Variants in NLRP7 observed in about 807,000 individuals in gnomAD.
NLRP7 encodes NLR family pyrin domain containing 7.
A neutral mutation model predicts 85.5 loss-of-function variants in NLRP7; 72 were observed. The observed-to-expected ratio is 0.84, with a 90% CI of 0.70 to 1.02. NLRP7 has a LOEUF of 1.02. Among genes scored for constraint, NLRP7 ranks in the 50% least tolerant of loss-of-function variants. The probability of loss-of-function intolerance (pLI) is 0.00; values close to 1 mark genes in which losing one functional copy is unlikely to be tolerated. For missense variants in NLRP7, 1,243 were observed against 1,219.5 expected (o/e 1.02, Z -0.29); for synonymous variants, 550 against 505.2 (o/e 1.09, Z -1.19).
Position 54,959,730 on chromosome 19 carries a change from GA to G in NLRP7, c.-77+6309del, listed in dbSNP as rs372022282. On this transcript the variant is annotated intron_variant, in intron 1 of 2. Transcript: ENST00000587103. ...ATAAAAAAATTAAAATTAGTGCTTG[GA>G]AAAAAAAATTAGTGCTTGACCAGGA... is the stretch of plus-strand genomic sequence containing the variant. Among the ~76,000 whole-genome samples the G allele has an allele frequency of 6.0e-5, 9 of 151,162 alleles. No homozygotes were observed. The East Asian group carries it at 1.6e-3, about 26-fold the overall frequency.
At chr19:54,953,452 T>C (rs909065312) in intron 1 of NLRP7, 1 of 152,036 alleles carries the variant, frequency 6.6e-6, no homozygotes, top group African/African-American at 2.4e-5. Flanking sequence ...TTCTATACAA[T>C]GTCTGTAATC....
At position 54,954,535 on chromosome 19, in the gene NLRP7, A is replaced by AT. The variant is rs1346907211; in HGVS notation, c.-76-7031_-76-7030insA. ...AAGAGCGAGACTCCGTCTCAAAAAA[A>AT]AAAAAAAAAAAAAAAAAGGGCAACC... On this transcript the variant is annotated intron_variant, in intron 1 of 2. Transcript: ENST00000587103. 5.0e-3 allele frequency among the ~76,000 whole-genome samples: 639 copies of AT among 127,934 alleles called. 1 individual carries two copies. The highest frequency in any genetic ancestry group is 0.016 in the African/African-American group (582 of 36,232). 83.9% of individuals were successfully genotyped at this position (127,934 alleles called of 152,430 possible). A position where few individuals can be genotyped will look rare whatever the true frequency, so the allele number is the denominator to read the frequency against.
At chr19:54,964,051 T>G (rs1430998912) in intron 1 of NLRP7, among the ~76,000 whole-genome samples, 1 of 148,918 alleles carries the variant, frequency 6.7e-6, no homozygotes, top group African/African-American at 2.5e-5. Context: ...GACTAATTTT[T>G]TGTATTTTTA....
chr19:54,940,958 C>G, exon 3 of NLRP7: 2 of 1,613,006 alleles, frequency 1.2e-6, no homozygotes, highest in Non-Finnish European at 1.7e-6. Context: ...GAGTCTTCTT[C>G]TGCATCTCCC....
At chr19:54,940,194 A>G (rs779559348) in exon 4 of NLRP7, 7 of 1,614,200 alleles carry the variant, frequency 4.3e-6, no homozygotes, top group Non-Finnish European at 5.9e-6. Flanking sequence ...CAGCTGAGGT[A>G]GAACGCGTAT....
At chr19:54,933,943 G>C (rs2068781043) in intron 7 of NLRP7, among the ~76,000 whole-genome samples, 1 of 152,082 alleles carries the variant, frequency 6.6e-6, no homozygotes, top group African/African-American at 2.4e-5. Flanking sequence ...GCCATCACAG[G>C]ACACAGGTGT....
chr19:54,923,635 G>A lies in NLRP7; in HGVS notation c.*105C>T, dbSNP rs1417421951. 17 of 1,318,956 alleles carry A rather than the reference G, an allele frequency of 1.3e-5. 1 individual carries two copies. The highest frequency in any genetic ancestry group is 3.5e-5 in the South Asian group (3 of 84,918). 81.7% of individuals were successfully genotyped at this position (1,318,956 alleles called of 1,614,324 possible). A position where few individuals can be genotyped will look rare whatever the true frequency, so the allele number is the denominator to read the frequency against. On this transcript the variant is annotated 3_prime_UTR_variant, in exon 10 of 10. Transcript: ENST00000340844. ...AAACCAGTGTCAAATCCTACCTCTC[G>A]ACAGACTCTAGTGTTAACATGTGAC... is the stretch of plus-strand genomic sequence containing the variant.
intron 1 of NLRP7, among the ~76,000 whole-genome samples, chr19:54,952,731 G>A (rs1174148804): frequency 6.6e-6 from 1 of 152,056 alleles, no homozygotes; most frequent in Admixed American, 6.6e-5. Flanking sequence ...GACTCACAGC[G>A]TGCATTGGGC....
Position 54,934,857 on chromosome 19 carries a change from T to G in NLRP7, c.2301-198A>C, listed in dbSNP as rs1029685597. ...CCGAAGTAGCTGGGATTACAGGCAT[T>G]CGCCAATTTTTGTATTTTTAGTAGA... On this transcript the variant is annotated intron_variant, in intron 6 of 9. Coordinates refer to ENST00000340844, the Ensembl canonical transcript of NLRP7. This position sits in a 1 kb window ranked among gnomAD's most constrained non-coding sequence, Gnocchi z 6.7. Among the ~76,000 whole-genome samples, 2 of 151,928 alleles carry G rather than the reference T, an allele frequency of 1.3e-5. No homozygotes were observed. Among genetic ancestry groups the G allele is most frequent in the Admixed American group, 1.3e-4 (2 of 15,238 alleles).
At position 54,939,441 on chromosome 19, in the gene NLRP7, A is replaced by G. The variant is rs1211425944; in HGVS notation, c.1378T>C (p.Ser460Pro). The change falls in exon 4 of 10, where the codon TCC becomes CCC. Residue 460 changes from serine (S) to proline (P), a missense_variant. Physicochemically the swap from Ser to Pro is moderately conservative, Grantham distance 74. Transcript: ENST00000340844. ...TGGATGAAGGAGTAGCAGCCTTTGG[A>G]GACTCTGTCCTGGCGGAGGATGTCT... 2.5e-6 allele frequency: 4 copies of G among 1,613,466 alleles called. No individual in the cohort carries two copies. In the Admixed American group the frequency reaches 6.7e-5, roughly 27 times the overall value.
At chr19:54,950,390 G>T (rs2069630883), upstream of NLRP7, among the ~76,000 whole-genome samples, 1 of 152,128 alleles carries the variant, frequency 6.6e-6, no homozygotes, top group Admixed American at 6.6e-5. Context: ...AGAAATAAGG[G>T]GACCCAGGGG....
upstream of NLRP7, among the ~76,000 whole-genome samples, chr19:54,951,818 T>C (rs1468906389): frequency 1.3e-5 from 2 of 151,710 alleles, no homozygotes; most frequent in Non-Finnish European, 2.9e-5. Context: ...TGGCGCAATC[T>C]CTGCTCACTG....
intron 3 of NLRP7, 49 bp downstream of exon 3, chr19:54,940,882 G>T (rs772649563): frequency 9.2e-7 from 1 of 1,086,868 alleles, no homozygotes; most frequent in Admixed American, 1.7e-5. Context: ...GATGCACCTT[G>T]CATGCTCTCA....
chr19:54,924,984 T>A (rs1291501329), intron 9 of NLRP7, among the ~76,000 whole-genome samples: 1 of 152,038 alleles, frequency 6.6e-6, no homozygotes, highest in African/African-American at 2.4e-5. Context: ...TCAGTAGAAC[T>A]AAGAGAATGC....
At chr19:54,954,850 T>C (rs1241425255) in intron 1 of NLRP7, among the ~76,000 whole-genome samples, 1 of 151,480 alleles carries the variant, frequency 6.6e-6, no homozygotes, top group Non-Finnish European at 1.5e-5. Context: ...CAAAACTCCA[T>C]CTCAAAAAAA....
chr19:54,930,601 C>A (rs748623991), exon 9 of NLRP7: 1 of 1,612,154 alleles, frequency 6.2e-7, no homozygotes, highest in South Asian at 1.1e-5. Flanking sequence ...TGTGAGGCTG[C>A]AGGCTTCTTG....
chr19:54,947,251 C>T (rs1176662212), intron 1 of NLRP7, among the ~76,000 whole-genome samples: 1 of 151,808 alleles, frequency 6.6e-6, no homozygotes. Context: ...CGGGTGAACC[C>T]AGGAGGCGGA....
chr19:54,933,473 T>G, intron 8 of NLRP7, 96 bp downstream of exon 8: 2 of 1,490,212 alleles, frequency 1.3e-6, no homozygotes, highest in Non-Finnish European at 1.9e-6. Context: ...CTTACCAGGT[T>G]TTTAAAAGTT....
intron 1 of NLRP7, among the ~76,000 whole-genome samples, chr19:54,942,196 C>A (rs1406956943): frequency 7.7e-6 from 1 of 129,808 alleles, no homozygotes; most frequent in African/African-American, 3.0e-5. Flanking sequence ...GTGGAGCTTG[C>A]AGTGAGCAGA....
Sources: gnomAD v4.1 joint callset for allele counts (sites outside exome capture counted in the v4.1 genomes callset) on GRCh38, gnomAD v4.1.1 for gene constraint, Gnocchi (gnomAD v3.1) non-coding constraint, MANE v1.5 for transcripts, NCBI Gene and HGNC (gene_info 2026-07-23, HGNC 2026-07-21) for gene names.